The following SLIT2 variants were observed in gnomAD, a reference collection of about 807,000 sequenced individuals.
The protein encoded by SLIT2 is slit guidance ligand 2.
SLIT2 carries 41 observed loss-of-function variants against 185.7 expected under a neutral mutation model. The observed-to-expected ratio is 0.22, with a 90% CI of 0.17 to 0.29. SLIT2 has a LOEUF of 0.29. SLIT2 is among the 10% of genes least tolerant of loss of function. The pLI, the probability that SLIT2 is intolerant of heterozygous loss-of-function variation, is 1.00. For synonymous variants in SLIT2, 693 were observed against 680.2 expected (o/e 1.02, Z -0.29); for missense variants, 1,571 against 1,909.0 (o/e 0.82, Z 3.30).
chr4:20,370,537 C>T (rs985432591), intron 4 of SLIT2, among the ~76,000 whole-genome samples: 4 of 152,058 alleles, frequency 2.6e-5, no homozygotes, highest in African/African-American at 9.7e-5. Context: ...AAATTTAAGC[C>T]TTAGCCTGTG....
At chr4:20,531,000 T>C (rs1298261449) in intron 16 of SLIT2, among the ~76,000 whole-genome samples, 1 of 150,254 alleles carries the variant, frequency 6.7e-6, no homozygotes, top group Non-Finnish European at 1.5e-5. Context: ...GAGAGTAACA[T>C]AGTGGAAGAA....
chr4:20,588,892 G>C (rs903731784), intron 29 of SLIT2, among the ~76,000 whole-genome samples: 1 of 152,144 alleles, frequency 6.6e-6, no homozygotes, highest in East Asian at 1.9e-4. Flanking sequence ...TATGTTCCCT[G>C]TCTCTGTATT....
At chr4:20,382,563 G>A (rs1442794208) in intron 4 of SLIT2, among the ~76,000 whole-genome samples, 1 of 151,986 alleles carries the variant, frequency 6.6e-6, no homozygotes, top group Non-Finnish European at 1.5e-5. Flanking sequence ...TTGACAATAG[G>A]ATCAGAGAAT....
chr4:20,595,127 C>G (rs1245483259), intron 30 of SLIT2, among the ~76,000 whole-genome samples: 1 of 152,174 alleles, frequency 6.6e-6, no homozygotes, highest in Non-Finnish European at 1.5e-5. Context: ...CCCATTATGT[C>G]AGTCCCGTTC....
At chr4:20,494,599 A>G (rs1399370839) in intron 9 of SLIT2, among the ~76,000 whole-genome samples, 1 of 151,986 alleles carries the variant, frequency 6.6e-6, no homozygotes, top group Non-Finnish European at 1.5e-5. Context: ...ACACAGTGAA[A>G]CCCTGTCTCT....
At chr4:20,275,787 T>G (rs939461656) in intron 4 of SLIT2, among the ~76,000 whole-genome samples, 1 of 152,072 alleles carries the variant, frequency 6.6e-6, no homozygotes, top group Admixed American at 6.6e-5. Context: ...AAATTACAGA[T>G]AGAAACAAAA....
intron 4 of SLIT2, among the ~76,000 whole-genome samples, chr4:20,318,835 A>T (rs1270429726): frequency 2.0e-5 from 3 of 152,208 alleles, no homozygotes; most frequent in African/African-American, 7.2e-5. Context: ...AACTTTGAGA[A>T]CACATTTCCA....
intron 4 of SLIT2, among the ~76,000 whole-genome samples, chr4:20,382,546 A>G (rs915702671): frequency 5.3e-4 from 81 of 152,308 alleles, no homozygotes; most frequent in African/African-American, 1.9e-3. Context: ...AAATTTAAAA[A>G]TCACCATTGA....
rs1577584400 is a variant in SLIT2, at chr4:20,402,221, G to A, written c.396-65531G>A. Among the ~76,000 whole-genome samples, 3 of 151,974 alleles carry A rather than the reference G, an allele frequency of 2.0e-5. No individual in the cohort carries two copies. The South Asian group carries it at 6.2e-4, about 32-fold the overall frequency. ...ACATGGAACCCAAATTTGAACCAAA[G>A]ACTCAAAAGGCTCCTAAGTCTTACT... On this transcript the variant is annotated intron_variant, in intron 4 of 36. Coordinates refer to ENST00000504154, the MANE Select transcript of SLIT2 (RefSeq NM_004787.4).
chr4:20,519,495 T>C, intron 12 of SLIT2, 42 bp downstream of exon 12: 1 of 1,143,466 alleles, frequency 8.7e-7, no homozygotes. Context: ...CCTAATAATA[T>C]ATATTAGCCA....
At chr4:20,541,996 T>G (rs770279800) in intron 20 of SLIT2, among the ~76,000 whole-genome samples, 5 of 152,198 alleles carry the variant, frequency 3.3e-5, no homozygotes, top group Non-Finnish European at 7.3e-5. Context: ...TAGTTGTCAC[T>G]TTTTAATGCT....
At position 20,469,101 on chromosome 4, in the gene SLIT2, T is replaced by A. The variant is rs151248677; in HGVS notation, c.467+1278T>A. 3.5e-3 allele frequency among the ~76,000 whole-genome samples: 528 copies of A among 152,298 alleles called. 3 individuals are homozygous for A. The highest frequency in any genetic ancestry group is 0.017 in the Middle Eastern group (5 of 294). On this transcript the variant is annotated intron_variant, in intron 5 of 36. Coordinates refer to ENST00000504154, the MANE Select transcript of SLIT2 (RefSeq NM_004787.4). ...TCAATTTAATATGATTTTATTTGCT[T>A]TCTTTTTACTTTTGCTAGTTAGGGC...
intron 14 of SLIT2, 38 bp downstream of exon 14, chr4:20,524,215 A>G (rs759048319): frequency 6.3e-6 from 10 of 1,596,556 alleles, no homozygotes; most frequent in Non-Finnish European, 7.7e-6. Flanking sequence ...GTGACCAACA[A>G]CAATGGTTAC....
chr4:20,554,214 C>A (rs565413843), intron 26 of SLIT2: 1 of 573,994 alleles, frequency 1.7e-6, no homozygotes, highest in Non-Finnish European at 3.2e-6. Flanking sequence ...TATCAAAAAA[C>A]GTAGAGTTCA....
intron 14 of SLIT2, among the ~76,000 whole-genome samples, chr4:20,524,801 C>T (rs974867874): frequency 2.0e-5 from 3 of 151,452 alleles, no homozygotes; most frequent in Non-Finnish European, 3.0e-5. Context: ...AAATGAAAGG[C>T]TGCCATCATT....
chr4:20,517,909 ATTTG>A (rs898109847), intron 11 of SLIT2, among the ~76,000 whole-genome samples: 14 of 151,830 alleles, frequency 9.2e-5, no homozygotes, highest in Non-Finnish European at 4.4e-5. Flanking sequence ...TATGGCAGCC[ATTTG>A]TTTATTTCCC....
intron 4 of SLIT2, among the ~76,000 whole-genome samples, chr4:20,288,200 C>T (rs769842522): frequency 3.3e-5 from 5 of 152,164 alleles, no homozygotes; most frequent in African/African-American, 4.8e-5. Flanking sequence ...TGAGTCAGCA[C>T]GCTGTGGTAC....
intron 4 of SLIT2, among the ~76,000 whole-genome samples, chr4:20,307,002 A>G (rs917572720): frequency 1.3e-5 from 2 of 151,978 alleles, no homozygotes; most frequent in Non-Finnish European, 1.5e-5. Flanking sequence ...TATACACAGC[A>G]TCTACTACAG....
chr4:20,288,165 T>A (rs1434888889), intron 4 of SLIT2, among the ~76,000 whole-genome samples: 1 of 152,214 alleles, frequency 6.6e-6, no homozygotes, highest in Non-Finnish European at 1.5e-5. Context: ...TTGTAATTTA[T>A]CTGGGAATTT....
Sources: allele counts gnomAD v4.1 joint callset (sites outside exome capture counted in the v4.1 genomes callset), GRCh38; gene constraint gnomAD v4.1.1; transcripts MANE v1.5; gene names NCBI Gene and HGNC (gene_info 2026-07-23, HGNC 2026-07-21).